The following TMEM117 variants were observed in gnomAD, a reference collection of about 807,000 sequenced individuals.
TMEM117 encodes the protein transmembrane protein 117.
TMEM117 carries 27 observed loss-of-function variants against 52.4 expected under a neutral mutation model. That is an observed-to-expected ratio of 0.51 (90% CI 0.38 to 0.71). The LOEUF is 0.71. Ranked by LOEUF, TMEM117 falls within the 30% of genes least tolerant of loss-of-function variation. TMEM117 has a pLI of 0.00. For synonymous variants in TMEM117, 215 were observed against 206.3 expected (o/e 1.04, Z -0.36); for missense variants, 556 against 630.5 (o/e 0.88, Z 1.26).
chr12:44,132,783 T>C (rs1438238946), intron 3 of TMEM117, among the ~76,000 whole-genome samples: 1 of 152,198 alleles, frequency 6.6e-6, no homozygotes, highest in African/African-American at 2.4e-5. Context: ...ACCAAGTTTA[T>C]GTGTAATCTT....
chr12:43,798,698 A>G, the TMEM117 span: 1 of 1,161,144 alleles, frequency 8.6e-7, no homozygotes, highest in Admixed American at 2.8e-5. Flanking sequence ...CCTTGCTACC[A>G]GTTTAATATT....
chr12:44,365,596 T>C (rs905231302), intron 6 of TMEM117, among the ~76,000 whole-genome samples: 3 of 152,086 alleles, frequency 2.0e-5, no homozygotes, highest in Non-Finnish European at 4.4e-5. Flanking sequence ...CCATGTAAAT[T>C]AAGAAAAATC....
At chr12:43,952,631 T>G (rs1945242537) in intron 3 of TMEM117, among the ~76,000 whole-genome samples, 1 of 151,902 alleles carries the variant, frequency 6.6e-6, no homozygotes, top group African/African-American at 2.4e-5. Context: ...CCTCCAAGAA[T>G]TATGGGACTA....
At chr12:43,830,390 C>T in the TMEM117 span, among the ~76,000 whole-genome samples, 2 of 151,778 alleles carry the variant, frequency 1.3e-5, no homozygotes, top group African/African-American at 4.8e-5. Flanking sequence ...AGGTGGATCA[C>T]GAGGTCAGGA....
At chr12:43,940,783 A>G (rs1945032473) in intron 2 of TMEM117, among the ~76,000 whole-genome samples, 1 of 152,168 alleles carries the variant, frequency 6.6e-6, no homozygotes, top group Admixed American at 6.5e-5. Context: ...ACCTCAGGTG[A>G]TCCGCCTGCC....
chr12:43,980,900 A>G (rs932042572), intron 3 of TMEM117, among the ~76,000 whole-genome samples: 4 of 152,212 alleles, frequency 2.6e-5, no homozygotes, highest in African/African-American at 9.7e-5. Flanking sequence ...TGTGGGTAAC[A>G]AACATTGTTG....
chr12:43,919,235 T>C (rs545830697), intron 2 of TMEM117, among the ~76,000 whole-genome samples: 13 of 152,350 alleles, frequency 8.5e-5, no homozygotes, highest in African/African-American at 2.2e-4. Flanking sequence ...GTACAGCAGA[T>C]GTCTAGGGCT....
At chr12:43,809,126 GAC>G in the TMEM117 span, among the ~76,000 whole-genome samples, 1 of 152,136 alleles carries the variant, frequency 6.6e-6, no homozygotes, top group African/African-American at 2.4e-5. Flanking sequence ...CCATAGAAGA[GAC>G]TATGATGCGT....
chr12:44,104,543 A>G (rs1947920122), intron 3 of TMEM117, among the ~76,000 whole-genome samples: 1 of 151,812 alleles, frequency 6.6e-6, no homozygotes, highest in Non-Finnish European at 1.5e-5. Context: ...TATTATCTCC[A>G]ATTTTCCTTA....
chr12:44,272,193 T>C (rs1011868777), intron 5 of TMEM117, among the ~76,000 whole-genome samples: 11 of 151,938 alleles, frequency 7.2e-5, no homozygotes, highest in African/African-American at 2.4e-4. Context: ...AAATTAAAAA[T>C]AAGAAATCCA....
At chr12:44,014,679 A>G (rs929238732) in intron 3 of TMEM117, among the ~76,000 whole-genome samples, 2 of 152,126 alleles carry the variant, frequency 1.3e-5, no homozygotes, top group African/African-American at 4.8e-5. Context: ...AATCACCTAG[A>G]TGTAGCAAGG....
chr12:43,802,695 G>A, the TMEM117 span, among the ~76,000 whole-genome samples: 1 of 152,066 alleles, frequency 6.6e-6, no homozygotes, highest in Non-Finnish European at 1.5e-5. Context: ...CACAGCCTAA[G>A]AAAGAAACAT....
chr12:43,982,495 AAATT>A (rs1945777473), intron 3 of TMEM117, among the ~76,000 whole-genome samples: 1 of 152,074 alleles, frequency 6.6e-6, no homozygotes, highest in African/African-American at 2.4e-5. Context: ...TTTTTTTTTC[AAATT>A]AAATGCATTA....
intron 3 of TMEM117, among the ~76,000 whole-genome samples, chr12:44,127,144 T>C (rs1397344001): frequency 6.6e-6 from 1 of 152,174 alleles, no homozygotes; most frequent in East Asian, 1.9e-4. Flanking sequence ...ACAGGATTTC[T>C]GTGTTGAATT....
chr12:44,084,057 A>C (rs1947527682), intron 3 of TMEM117, among the ~76,000 whole-genome samples: 1 of 152,218 alleles, frequency 6.6e-6, no homozygotes, highest in Non-Finnish European at 1.5e-5. Flanking sequence ...GGTCTCCAAC[A>C]AGAAAATGTC....
At chr12:43,800,830 A>G in the TMEM117 span, among the ~76,000 whole-genome samples, 21 of 152,300 alleles carry the variant, frequency 1.4e-4, no homozygotes, top group African/African-American at 4.6e-4. Context: ...AGCTCACTGC[A>G]ACCTCTGCCT....
At chr12:44,131,025 A>G (rs973517105) in intron 3 of TMEM117, among the ~76,000 whole-genome samples, 1 of 152,030 alleles carries the variant, frequency 6.6e-6, no homozygotes, top group Non-Finnish European at 1.5e-5. Flanking sequence ...ATTTAATTGA[A>G]GTCTTTGAAA....
intron 2 of TMEM117, among the ~76,000 whole-genome samples, chr12:43,888,868 C>G (rs1233689169): frequency 6.6e-6 from 1 of 151,836 alleles, no homozygotes; most frequent in Admixed American, 6.6e-5. Context: ...ATTATTACAA[C>G]AACTTAATGA....
chr12:44,370,003 G>C (rs1951840460), intron 6 of TMEM117, among the ~76,000 whole-genome samples: 1 of 152,132 alleles, frequency 6.6e-6, no homozygotes, highest in Non-Finnish European at 1.5e-5. Flanking sequence ...CAAATTTATG[G>C]CAGGGCATCT....
Sources: gnomAD v4.1 joint callset for allele counts (sites outside exome capture counted in the v4.1 genomes callset) on GRCh38, gnomAD v4.1.1 for gene constraint, MANE v1.5 for transcripts, NCBI Gene and HGNC (gene_info 2026-07-23, HGNC 2026-07-21) for gene names.